The following RYR1 variants were observed in gnomAD, a reference collection of about 807,000 sequenced individuals.
The protein encoded by RYR1 is ryanodine receptor 1.
In RYR1, 342 loss-of-function variants were observed where a neutral mutation model predicts 583.5. The observed-to-expected ratio is 0.59, with a 90% CI of 0.54 to 0.64. RYR1 has a LOEUF of 0.64. Among genes scored for constraint, RYR1 ranks in the 30% least tolerant of loss-of-function variants. The probability of loss-of-function intolerance (pLI) is 0.00; values close to 1 mark genes in which losing one functional copy is unlikely to be tolerated. For missense variants in RYR1, 6,032 were observed against 6,917.2 expected (o/e 0.87, Z 4.54); for synonymous variants, 2,791 against 2,822.5 (o/e 0.99, Z 0.35).
chr19:38,507,046 G>A, intron 57 of RYR1, 94 bp downstream of exon 57: 1 of 1,579,986 alleles, frequency 6.3e-7, no homozygotes, highest in Non-Finnish European at 8.6e-7. Context: ...GGAGCCGAGA[G>A]GAACGGGGCC....
intron 31 of RYR1, 81 bp from the exon 32 acceptor site, chr19:38,482,946 T>C: frequency 8.2e-7 from 1 of 1,217,558 alleles, no homozygotes; most frequent in Non-Finnish European, 1.2e-6. Context: ...ACCTACAAAT[T>C]GGCCCCAGAG....
chr19:38,518,901 T>A (rs1971093626), intron 66 of RYR1, among the ~76,000 whole-genome samples: 1 of 150,264 alleles, frequency 6.7e-6, no homozygotes, highest in East Asian at 2.0e-4. Flanking sequence ...CACTCCAGTC[T>A]GGGTGACAAG....
Position 38,565,767 on chromosome 19 carries a change from T to G in RYR1, c.13433T>G (p.Leu4478Trp), listed in dbSNP as rs571874447. The part of the protein sequence containing the change: ...PEGSPILKRK[L>W]GVDGVEEELP... ...GGCTCTCCCATCCTCAAGAGGAAAT[T>G]GGGGGTGAGAGAGCAGGCGGGGTTT... Residue 4478 changes from leucine to tryptophan, a missense_variant, in exon 91 of 106, where the codon TTG becomes TGG. By Grantham distance (61) the Leu-to-Trp change is moderately conservative. Coordinates refer to ENST00000359596, the MANE Select transcript of RYR1 (RefSeq NM_000540.3). The surrounding 1 kb of genome is among the most constrained non-coding windows in gnomAD (Gnocchi z 4.7). 1 of 1,394,910 alleles carries G rather than the reference T, an allele frequency of 7.2e-7. No individual in the cohort carries two copies. The highest frequency in any genetic ancestry group is 3.0e-5 in the East Asian group (1 of 33,506). 86.4% of individuals were successfully genotyped at this position (1,394,910 alleles called of 1,614,324 possible).
At chr19:38,470,161 C>T (rs1233222631) in intron 27 of RYR1, among the ~76,000 whole-genome samples, 2 of 146,028 alleles carry the variant, frequency 1.4e-5, no homozygotes, top group African/African-American at 5.1e-5. Context: ...AGCGAAACTC[C>T]ATCTCAAAAA....
Position 38,506,923 on chromosome 19 carries a change from C to T in RYR1, c.8787C>T (p.Phe2929=), listed in dbSNP as rs1970480633. 1 of 1,613,032 alleles carries T rather than the reference C, an allele frequency of 6.2e-7. No individual in the cohort carries two copies. Among genetic ancestry groups the T allele is most frequent in the Non-Finnish European group, 8.5e-7 (1 of 1,180,028 alleles). The part of the protein sequence containing the change: ...DREKAQELLK[F]LQMNGYAVTR... The stretch of plus-strand genomic sequence containing the variant: ...AGAAGGCCCAGGAGCTACTGAAATT[C>T]CTGCAGATGAATGGCTACGCGGTTA... The change falls in exon 57 of 106, where the codon TTC becomes TTT. Residue 2929 remains phenylalanine, a synonymous_variant. Coordinates refer to ENST00000359596, the MANE Select transcript of RYR1 (RefSeq NM_000540.3).
At chr19:38,437,050 TTC>T (rs1491188434) in intron 1 of RYR1, among the ~76,000 whole-genome samples, 1 of 151,868 alleles carries the variant, frequency 6.6e-6, no homozygotes, top group Non-Finnish European at 1.5e-5. Flanking sequence ...CATTTTTTTT[TTC>T]TTTTTCTTTT....
chr19:38,559,919 G>T (rs908277103), intron 89 of RYR1, among the ~76,000 whole-genome samples: 1 of 149,540 alleles, frequency 6.7e-6, no homozygotes, highest in Non-Finnish European at 1.5e-5. Flanking sequence ...ATTATGTCAT[G>T]AAACCTTTTT....
At chr19:38,533,609 T>C (rs1227674104) in intron 78 of RYR1, among the ~76,000 whole-genome samples, 1 of 151,968 alleles carries the variant, frequency 6.6e-6, no homozygotes, top group African/African-American at 2.4e-5. Context: ...CTGGCCAACA[T>C]GGTGAAACCC....
chr19:38,491,144 C>T (rs1288016507), intron 37 of RYR1, among the ~76,000 whole-genome samples: 2 of 152,148 alleles, frequency 1.3e-5, no homozygotes, highest in Non-Finnish European at 2.9e-5. Context: ...GATTCCCTTG[C>T]ACATGATGAA....
intron 90 of RYR1, among the ~76,000 whole-genome samples, chr19:38,564,631 C>T (rs1372333755): frequency 6.6e-6 from 1 of 152,008 alleles, no homozygotes; most frequent in Non-Finnish European, 1.5e-5. Context: ...TATTCTCCTA[C>T]CTCAGCCTCC....
chr19:38,570,538 G>T, intron 93 of RYR1, 69 bp from the exon 94 acceptor site: 22 of 1,162,502 alleles, frequency 1.9e-5, no homozygotes, highest in Non-Finnish European at 2.7e-5. Flanking sequence ...GCAGGTAAAT[G>T]ATGGGATGAA....
Position 38,561,543 on chromosome 19 carries a change from C to A in RYR1, c.12624+89C>A. On this transcript the variant is annotated intron_variant, in intron 90 of 105. Coordinates refer to ENST00000359596, the MANE Select transcript of RYR1 (RefSeq NM_000540.3). This position sits in a 1 kb window ranked among gnomAD's most constrained non-coding sequence, Gnocchi z 4.8. Reference sequence around the variant, plus strand: ...CCTGCACCCTCAGACCCCACGGGGGCTGTGCGTGCCTCGCATATCTGCCCT... The same window carrying A: ...CCTGCACCCTCAGACCCCACGGGGGATGTGCGTGCCTCGCATATCTGCCCT... 2 of 1,265,386 alleles carry A rather than the reference C, an allele frequency of 1.6e-6. No individual in the cohort carries two copies. The highest frequency in any genetic ancestry group is 1.1e-6 in the Non-Finnish European group (1 of 911,700). The allele number at this position is 1,265,386 out of a possible 1,614,324, so 78.4% of individuals were successfully genotyped here.
chr19:38,576,111 A>T, intron 97 of RYR1, 150 bp downstream of exon 97: 1 of 831,552 alleles, frequency 1.2e-6, no homozygotes, highest in Non-Finnish European at 2.1e-6. Context: ...CCATGGGGAG[A>T]TGGGCATAGT....
intron 99 of RYR1, among the ~76,000 whole-genome samples, chr19:38,578,917 C>T (rs184028735): frequency 4.4e-4 from 66 of 151,212 alleles, no homozygotes; most frequent in Admixed American, 4.4e-3. Flanking sequence ...TTAAGACCAG[C>T]TTGGGCAACT....
intron 39 of RYR1, among the ~76,000 whole-genome samples, 197 bp downstream of exon 39, chr19:38,494,822 T>C (rs527240664): frequency 1.3e-5 from 2 of 151,036 alleles, no homozygotes; most frequent in Non-Finnish European, 2.9e-5. Context: ...CGCTTCTGTG[T>C]GACTCTCAGC....
Position 38,532,524 on chromosome 19 carries a change from G to T in RYR1, c.11176G>T (p.Ala3726Ser). 6.2e-7 allele frequency: 1 copy of T among 1,614,178 alleles called. No individual in the cohort carries two copies. The highest frequency in any genetic ancestry group is 1.1e-5 in the South Asian group (1 of 91,082). ...TGAGGATTACCTGTACATGGCCTAT[G>T]CTGATATCATGGCAAAGGTGAGGCC... ...LDEDYLYMAY[A>S]DIMAKSCHLE... The change falls in exon 77 of 106, where the codon GCT becomes TCT. Residue 3726 changes from alanine (A) to serine (S), a missense_variant. By Grantham distance (99) the Ala-to-Ser change is moderately conservative (BLOSUM62 1). This residue lies in a region of RYR1 where 1,493 missense variants were observed against 1,715.5 expected (regional missense o/e 0.87). Transcript: ENST00000359596.
chr19:38,457,663 G>C, intron 17 of RYR1, 33 bp downstream of exon 17: 1 of 1,609,640 alleles, frequency 6.2e-7, no homozygotes, highest in Non-Finnish European at 8.5e-7. Context: ...CCAGAACTCA[G>C]AACCTCTCAA....
chr19:38,466,296 C>T lies in RYR1; in HGVS notation c.3076C>T (p.Leu1026=), dbSNP rs1397489288. 6.2e-7 allele frequency: 1 copy of T among 1,611,792 alleles called. No individual in the cohort carries two copies. The highest frequency in any genetic ancestry group is 8.5e-7 in the Non-Finnish European group (1 of 1,179,458). Residue 1026 remains leucine, a synonymous_variant, in exon 24 of 106, where the codon CTG becomes TTG. Coordinates refer to ENST00000359596, the MANE Select transcript of RYR1 (RefSeq NM_000540.3). The stretch of plus-strand genomic sequence containing the variant: ...CCCTCGGCTGGTGCCCTACCGCCTG[C>T]TGGATGAAGCCACCAAGCGCAGCAA... The part of the protein sequence containing the change: ...RNPRLVPYRL[L]DEATKRSNRD...
intron 33 of RYR1, among the ~76,000 whole-genome samples, chr19:38,484,808 T>A (rs1048388250): frequency 6.6e-6 from 1 of 151,938 alleles, no homozygotes; most frequent in Non-Finnish European, 1.5e-5. Context: ...TCTCCACATT[T>A]TTTTTTTCTT....
Sources: gnomAD v4.1 joint callset for allele counts (sites outside exome capture counted in the v4.1 genomes callset) on GRCh38, gnomAD v4.1.1 for gene constraint, gnomAD v4.1.1 regional missense constraint, Gnocchi (gnomAD v3.1) non-coding constraint, MANE v1.5 for transcripts, NCBI Gene and HGNC (gene_info 2026-07-23, HGNC 2026-07-21) for gene names.